AGBL1: variants seen among roughly 807,000 people sequenced by gnomAD.
AGBL1 encodes cytosolic carboxypeptidase 4.
In AGBL1, 130 loss-of-function variants were observed where a neutral mutation model predicts 118.9. That is an observed-to-expected ratio of 1.09 (90% confidence interval 0.95 to 1.26). The LOEUF is 1.26. Among genes scored for constraint, AGBL1 ranks in the 50% most tolerant of loss-of-function variants. AGBL1 has a pLI of 0.00. For synonymous variants in AGBL1, 555 were observed against 478.9 expected, an observed-to-expected ratio of 1.16 and a Z score of -2.08; for missense variants, 1,584 against 1,298.1, an observed-to-expected ratio of 1.22 and a Z score of -3.38.
At chr15:86,302,874 A>C (rs2141803189) in intron 17 of AGBL1, among the ~76,000 whole-genome samples, 1 of 152,222 alleles carries the variant, frequency 6.6e-6, no homozygotes, top group Admixed American at 6.5e-5. Flanking sequence ...AAATGGGAAA[A>C]GTAAGTTGGG....
At chr15:86,887,147 AAAT>A (rs147489557) in intron 22 of AGBL1, among the ~76,000 whole-genome samples, 291 of 152,320 alleles carry the variant, frequency 1.9e-3, no homozygotes, top group Non-Finnish European at 3.3e-3. Flanking sequence ...AAACAAATAG[AAAT>A]AATAAGGTAC....
At chr15:86,925,099 C>CAAGAAGAAGAAGAAG (rs71144081) in intron 23 of AGBL1, among the ~76,000 whole-genome samples, 5 of 121,822 alleles carry the variant, frequency 4.1e-5, no homozygotes, top group African/African-American at 1.6e-4. Flanking sequence ...GAGACTCTGT[C>CAAGAAGAAGAAGAAG]AAGAAGAAGA....
chr15:86,437,471 C>T lies in AGBL1; in HGVS notation c.2555+39925C>T, dbSNP rs117447788. 2.3e-3 allele frequency among the ~76,000 whole-genome samples: 345 copies of T among 152,172 alleles called. 2 individuals carry two copies. The highest frequency in any genetic ancestry group is 4.2e-3 in the Non-Finnish European group (289 of 68,016). ...TTAAAAATCAGAGTAAGATGTAGTC[C>T]CTTCTTCACAGTCTGGTGCTCTCAA... On this transcript the variant is annotated intron_variant, in intron 18 of 22. Coordinates refer to ENST00000614907, the MANE Select transcript of AGBL1 (RefSeq NM_001386094.1).
chr15:86,478,224 C>A (rs1186238214), intron 18 of AGBL1, among the ~76,000 whole-genome samples: 2 of 152,122 alleles, frequency 1.3e-5, no homozygotes, highest in South Asian at 2.1e-4. Context: ...GTTGGAAGTT[C>A]TGACCAGGGC....
intron 24 of AGBL1, among the ~76,000 whole-genome samples, chr15:87,012,190 T>TAC (rs1491278071): frequency 7.7e-5 from 8 of 104,248 alleles, no homozygotes; most frequent in Admixed American, 1.9e-4. Flanking sequence ...TATACAAATT[T>TAC]ATACACACAC....
intron 1 of AGBL1, among the ~76,000 whole-genome samples, chr15:86,115,671 C>G (rs1001789421): frequency 6.6e-6 from 1 of 152,206 alleles, no homozygotes; most frequent in Non-Finnish European, 1.5e-5. Context: ...CATTTTCTGT[C>G]TGACTTGTCA....
chr15:86,611,876 A>G lies in AGBL1; in HGVS notation c.2994+57339A>G, dbSNP rs2084661225. On this transcript the variant is annotated intron_variant, in intron 21 of 22. Coordinates refer to ENST00000614907, the MANE Select transcript of AGBL1 (RefSeq NM_001386094.1). Reference sequence around the variant, plus strand: ...AGTCAACAGAACCACAAGACTGCCAAGAAAGTTAATTTGATCTTACCCTGC... The same window carrying G: ...AGTCAACAGAACCACAAGACTGCCAGGAAAGTTAATTTGATCTTACCCTGC... Among the ~76,000 whole-genome samples the G allele has an allele frequency of 2.0e-5, 3 of 152,188 alleles. No individual in the cohort carries two copies. The South Asian group carries it at 6.2e-4, about 32-fold the overall frequency.
At chr15:86,560,767 C>T (rs887675053) in intron 21 of AGBL1, among the ~76,000 whole-genome samples, 1 of 152,096 alleles carries the variant, frequency 6.6e-6, no homozygotes, top group East Asian at 1.9e-4. Flanking sequence ...CAGTGTAAAA[C>T]AGTTCCTATT....
At chr15:86,883,667 G>A (rs1416695562) in intron 22 of AGBL1, among the ~76,000 whole-genome samples, 1 of 152,062 alleles carries the variant, frequency 6.6e-6, no homozygotes, top group Non-Finnish European at 1.5e-5. Flanking sequence ...CTATTCCTGT[G>A]CCCAGTAATA....
chr15:86,616,046 A>T (rs112461157), intron 21 of AGBL1, among the ~76,000 whole-genome samples: 2,715 of 152,248 alleles, frequency 0.018, 89 homozygotes, highest in African/African-American at 0.062. Flanking sequence ...ATACAATAAA[A>T]TGAAGATGGG....
intron 18 of AGBL1, among the ~76,000 whole-genome samples, chr15:86,412,338 C>T (rs1270495372): frequency 5.3e-5 from 8 of 152,150 alleles, no homozygotes; most frequent in Non-Finnish European, 1.0e-4. Context: ...CCTTTGTTTC[C>T]ACAGAGGAAG....
intron 7 of AGBL1, 62 bp downstream of exon 7, chr15:86,247,941 C>A: frequency 6.4e-7 from 1 of 1,564,838 alleles, no homozygotes; most frequent in Non-Finnish European, 8.8e-7. Flanking sequence ...TGAAGGCTGT[C>A]ATTTAGGAAT....
chr15:86,201,813 C>G (rs192360783), intron 5 of AGBL1, among the ~76,000 whole-genome samples: 10 of 152,252 alleles, frequency 6.6e-5, no homozygotes, highest in Admixed American at 5.9e-4. Flanking sequence ...GTCATGTCAG[C>G]TACTTCAGTA....
intron 18 of AGBL1, among the ~76,000 whole-genome samples, chr15:86,479,466 G>T (rs981489473): frequency 6.6e-6 from 1 of 152,070 alleles, no homozygotes; most frequent in Non-Finnish European, 1.5e-5. Flanking sequence ...GCCACCAACA[G>T]ACACATGAAA....
At chr15:86,787,240 A>G (rs1255670037) in intron 22 of AGBL1, among the ~76,000 whole-genome samples, 2 of 152,138 alleles carry the variant, frequency 1.3e-5, no homozygotes, top group Non-Finnish European at 2.9e-5. Context: ...ACCCATTTTT[A>G]TGTGTATATG....
At chr15:86,746,835 C>G (rs1241163147) in intron 22 of AGBL1, among the ~76,000 whole-genome samples, 1 of 152,016 alleles carries the variant, frequency 6.6e-6, no homozygotes, top group Non-Finnish European at 1.5e-5. Context: ...TAGGCACACA[C>G]AAACAATATA....
At chr15:86,453,989 A>C (rs188273667) in intron 18 of AGBL1, among the ~76,000 whole-genome samples, 1 of 152,074 alleles carries the variant, frequency 6.6e-6, no homozygotes, top group African/African-American at 2.4e-5. Flanking sequence ...TTAAGGATAG[A>C]CTGCTATTTT....
In AGBL1 at chr15:86,651,620, C is replaced by T. The variant is rs571429431; in HGVS notation, c.2995-22653C>T. 3.9e-5 allele frequency among the ~76,000 whole-genome samples: 6 copies of T among 152,304 alleles called. No homozygotes were observed. The South Asian group carries it at 8.3e-4, about 21-fold the overall frequency. ...GCCTGGCTCCTGGAGCATTGACGTT[C>T]GTCAGTAAATGACGGTGTTCCTGTT... On this transcript the variant is annotated intron_variant, in intron 21 of 22. Coordinates refer to ENST00000614907, the MANE Select transcript of AGBL1 (RefSeq NM_001386094.1).
intron 18 of AGBL1, among the ~76,000 whole-genome samples, chr15:86,487,941 T>A (rs2082732900): frequency 6.6e-6 from 1 of 152,058 alleles, no homozygotes; most frequent in South Asian, 2.1e-4. Flanking sequence ...CATGTCTGGA[T>A]GAGTTTCAAG....
Sources: gnomAD v4.1 joint callset for allele counts (sites outside exome capture counted in the v4.1 genomes callset) on GRCh38, gnomAD v4.1.1 for gene constraint, MANE v1.5 for transcripts, NCBI Gene and HGNC (gene_info 2026-07-23, HGNC 2026-07-21) for gene names.